The following STXBP5L variants were observed in gnomAD, a reference collection of about 807,000 sequenced individuals.
The protein encoded by STXBP5L is syntaxin binding protein 5L, also known as syntaxin-binding protein 5-like.
Under a neutral mutation model 144.5 loss-of-function variants are expected in STXBP5L, and 65 were observed. The observed-to-expected ratio is 0.45, with a 90% CI of 0.37 to 0.55. STXBP5L has a LOEUF of 0.55. Among genes scored for constraint, STXBP5L ranks in the 20% least tolerant of loss-of-function variants. The probability of loss-of-function intolerance (pLI) is 0.00; values close to 1 mark genes in which losing one functional copy is unlikely to be tolerated. For synonymous variants in STXBP5L, 505 were observed against 469.6 expected (o/e 1.08, Z -0.97); for missense variants, 1,298 against 1,405.5 (o/e 0.92, Z 1.22).
intron 2 of STXBP5L, among the ~76,000 whole-genome samples, chr3:120,929,169 C>T (rs549441528): frequency 3.9e-5 from 6 of 152,186 alleles, no homozygotes; most frequent in South Asian, 2.1e-4. Flanking sequence ...GAGGGAGCTG[C>T]GGAAGTTAGG....
At chr3:121,347,731 A>T (rs989486628) in intron 20 of STXBP5L, among the ~76,000 whole-genome samples, 25 of 152,176 alleles carry the variant, frequency 1.6e-4, no homozygotes, top group African/African-American at 5.5e-4. Flanking sequence ...TGTGAATGGG[A>T]GTTCACTCAT....
rs746237896 is a variant in STXBP5L at position 120,909,632 on chromosome 3, T to C, written c.54T>C (p.Pro18=). The change falls in exon 2 of 27, where the codon CCT becomes CCC. Residue 18 remains proline, a synonymous_variant. Coordinates refer to ENST00000471454, the MANE Select transcript of STXBP5L (RefSeq NM_001308330.2). ...TGGATGGCTTAACTGCCTCCTCCCC[T>C]GGCAGTGGTAGCAGCAGTGGCAGTA... ...KVLDGLTASS[P]GSGSSSGSNS... 5.0e-5 allele frequency: 80 copies of C among 1,613,572 alleles called. No homozygotes were observed. The highest frequency in any genetic ancestry group is 5.8e-5 in the Non-Finnish European group (68 of 1,179,810).
chr3:121,369,141 G>A (rs1035041567), intron 20 of STXBP5L, among the ~76,000 whole-genome samples: 2 of 152,098 alleles, frequency 1.3e-5, no homozygotes, highest in African/African-American at 2.4e-5. Context: ...ATTGGGAGTG[G>A]GGCATAGGTA....
intron 9 of STXBP5L, among the ~76,000 whole-genome samples, chr3:121,198,474 A>T (rs899047433): frequency 6.6e-6 from 1 of 151,420 alleles, no homozygotes; most frequent in Non-Finnish European, 1.5e-5. Flanking sequence ...CTGTGCAGAA[A>T]CTCATAAGTT....
intron 2 of STXBP5L, among the ~76,000 whole-genome samples, chr3:120,910,521 CT>C (rs2107544289): frequency 6.6e-6 from 1 of 151,930 alleles, no homozygotes; most frequent in Admixed American, 6.6e-5. Flanking sequence ...TTTTATTGCC[CT>C]TTTTTGAGTT....
At chr3:121,328,647 G>T (rs1438172679) in intron 20 of STXBP5L, among the ~76,000 whole-genome samples, 1 of 152,164 alleles carries the variant, frequency 6.6e-6, no homozygotes, top group Non-Finnish European at 1.5e-5. Context: ...CTACTCAGGA[G>T]GCTGAGGCAG....
intron 3 of STXBP5L, among the ~76,000 whole-genome samples, chr3:121,015,775 G>A (rs1488032429): frequency 6.6e-6 from 1 of 152,156 alleles, no homozygotes; most frequent in East Asian, 1.9e-4. Flanking sequence ...TCCAAGGTAG[G>A]GGAAGGGCAT....
intron 20 of STXBP5L, among the ~76,000 whole-genome samples, chr3:121,355,349 A>G (rs6809661): frequency 6.6e-6 from 1 of 151,866 alleles, no homozygotes; most frequent in African/African-American, 2.4e-5. Context: ...TAGTCTTTTC[A>G]TATAGTCCCA....
chr3:121,015,213 C>T (rs1001310523), intron 3 of STXBP5L, among the ~76,000 whole-genome samples: 2 of 152,026 alleles, frequency 1.3e-5, no homozygotes, highest in East Asian at 1.9e-4. Context: ...GAAGTTGACC[C>T]AGCTAGGGAT....
intron 2 of STXBP5L, among the ~76,000 whole-genome samples, chr3:120,923,613 T>C (rs1164752540): frequency 6.6e-6 from 1 of 152,126 alleles, no homozygotes; most frequent in Admixed American, 6.5e-5. Flanking sequence ...TTCAAGAGCA[T>C]GTTGTTTAAT....
At chr3:121,113,672 C>CTTT (rs1231857211) in intron 5 of STXBP5L, among the ~76,000 whole-genome samples, 31 of 122,564 alleles carry the variant, frequency 2.5e-4, no homozygotes, top group South Asian at 5.3e-4. Flanking sequence ...TTTTCTTTTT[C>CTTT]TTTTTTTTTT....
At chr3:121,061,044 GTTCTT>G (rs2041250540) in intron 5 of STXBP5L, among the ~76,000 whole-genome samples, 1 of 152,064 alleles carries the variant, frequency 6.6e-6, no homozygotes, top group South Asian at 2.1e-4. Flanking sequence ...TGCTTTTTTA[GTTCTT>G]TTAATTGTGA....
At chr3:121,066,698 G>C (rs1311752014) in intron 5 of STXBP5L, among the ~76,000 whole-genome samples, 1 of 151,990 alleles carries the variant, frequency 6.6e-6, no homozygotes, top group Non-Finnish European at 1.5e-5. Context: ...TGATTCCCCT[G>C]TCAAGTTCTC....
At position 121,036,136 on chromosome 3, in the gene STXBP5L, C is replaced by G. The variant is rs576428557; in HGVS notation, c.288-5564C>G. ...TCACTTGAGGTCAGGAGTTTGAGAC[C>G]AGCCTAGCCAACATGGTGAAATCCC... On this transcript the variant is annotated intron_variant, in intron 3 of 26. Transcript: ENST00000471454. Among the ~76,000 whole-genome samples the G allele has an allele frequency of 3.3e-5, 5 of 152,136 alleles. No homozygotes were observed. The South Asian group carries it at 8.3e-4, about 25-fold the overall frequency.
At position 121,090,280 on chromosome 3, in the gene STXBP5L, C is replaced by T. The variant is rs140344021; in HGVS notation, c.471-24645C>T. Reference sequence around the variant, plus strand: ...GGTGGGAATTGAAGTTCAGGTGCTCCATTTAAACTCACTGACATCTTAGAT... The same window carrying T: ...GGTGGGAATTGAAGTTCAGGTGCTCTATTTAAACTCACTGACATCTTAGAT... On this transcript the variant is annotated intron_variant, in intron 5 of 26. Coordinates refer to ENST00000471454, the MANE Select transcript of STXBP5L (RefSeq NM_001308330.2). Among the ~76,000 whole-genome samples, 60 of 152,160 alleles carry T rather than the reference C, an allele frequency of 3.9e-4. 1 individual carries two copies. In the East Asian group the frequency reaches 0.011, roughly 29 times the overall value.
chr3:121,015,566 G>T (rs903323889), intron 3 of STXBP5L, among the ~76,000 whole-genome samples: 1 of 152,118 alleles, frequency 6.6e-6, no homozygotes, highest in Non-Finnish European at 1.5e-5. Context: ...GAAACTGCTG[G>T]TTACTGAAAT....
intron 23 of STXBP5L, among the ~76,000 whole-genome samples, chr3:121,411,694 A>G (rs2047117316): frequency 1.3e-5 from 2 of 152,106 alleles, no homozygotes; most frequent in African/African-American, 2.4e-5. Context: ...AGTCTTGGCC[A>G]TATTTACTTA....
At chr3:121,008,027 T>C (rs549349377) in intron 3 of STXBP5L, among the ~76,000 whole-genome samples, 1 of 152,132 alleles carries the variant, frequency 6.6e-6, no homozygotes, top group East Asian at 1.9e-4. Flanking sequence ...TTTTTTCTTT[T>C]ACCGTTTTTT....
intron 11 of STXBP5L, among the ~76,000 whole-genome samples, chr3:121,232,001 A>G (rs1248214448): frequency 6.6e-6 from 1 of 152,158 alleles, no homozygotes; most frequent in Admixed American, 6.6e-5. Context: ...TCCATTCTGG[A>G]TGGGGAAGGT....
Sources: allele counts gnomAD v4.1 joint callset (sites outside exome capture counted in the v4.1 genomes callset), GRCh38; gene constraint gnomAD v4.1.1; transcripts MANE v1.5; gene names NCBI Gene and HGNC (gene_info 2026-07-23, HGNC 2026-07-21).